KIAA1328: variants seen among roughly 807,000 people sequenced by gnomAD.
The protein encoded by KIAA1328 is KIAA1328, also known as protein hinderin.
In KIAA1328, 52 loss-of-function variants were observed where a neutral mutation model predicts 68.1. That is an observed-to-expected ratio of 0.76 (90% CI 0.61 to 0.96). The LOEUF (loss-of-function observed/expected upper bound fraction) is 0.96, where lower values mean the gene tolerates loss of function less well. Ranked by LOEUF, KIAA1328 falls within the 40% of genes least tolerant of loss-of-function variation. KIAA1328 has a pLI of 0.00. For synonymous variants in KIAA1328, 232 were observed against 239.4 expected (o/e 0.97, Z 0.28); for missense variants, 641 against 677.6 (o/e 0.95, Z 0.60).
At chr18:37,086,831 T>C (rs565464399) in intron 7 of KIAA1328, among the ~76,000 whole-genome samples, 1 of 152,340 alleles carries the variant, frequency 6.6e-6, no homozygotes, top group South Asian at 2.1e-4. Context: ...ATCACAACTA[T>C]TAGGACTTAT....
chr18:37,061,119 A>C (rs535768162), intron 6 of KIAA1328, among the ~76,000 whole-genome samples: 48 of 152,366 alleles, frequency 3.2e-4, no homozygotes, highest in African/African-American at 1.2e-3. Context: ...CGTCTCAAAA[A>C]AAAAGAGAAA....
intron 6 of KIAA1328, among the ~76,000 whole-genome samples, chr18:37,060,964 A>G (rs1317923980): frequency 6.6e-6 from 1 of 152,126 alleles, no homozygotes; most frequent in Non-Finnish European, 1.5e-5. Context: ...AAAATAGAAA[A>G]ATTAGCCGGC....
intron 5 of KIAA1328, among the ~76,000 whole-genome samples, chr18:36,887,933 G>C (rs537156382): frequency 6.6e-6 from 1 of 152,280 alleles, no homozygotes; most frequent in South Asian, 2.1e-4. Context: ...GGCACAATTA[G>C]AGTGGGCCCT....
chr18:37,179,339 T>C (rs933767922), intron 9 of KIAA1328, among the ~76,000 whole-genome samples: 6 of 152,244 alleles, frequency 3.9e-5, no homozygotes, highest in East Asian at 1.9e-4. Context: ...CCTTTTTCCA[T>C]TGTATGTTCT....
intron 4 of KIAA1328, among the ~76,000 whole-genome samples, chr18:36,879,943 C>T (rs947065739): frequency 4.6e-5 from 7 of 152,136 alleles, no homozygotes; most frequent in South Asian, 2.1e-4. Flanking sequence ...AATTTCAAGC[C>T]GGTGGATCTT....
At chr18:37,064,696 C>A (rs551459738) in intron 6 of KIAA1328, among the ~76,000 whole-genome samples, 44 of 152,082 alleles carry the variant, frequency 2.9e-4, no homozygotes, top group African/African-American at 9.6e-4. Context: ...CCAAGCGGTC[C>A]TTCTAAGAAG....
At chr18:37,184,348 G>A (rs1017840981) in intron 9 of KIAA1328, among the ~76,000 whole-genome samples, 28 of 152,284 alleles carry the variant, frequency 1.8e-4, no homozygotes, top group African/African-American at 6.7e-4. Flanking sequence ...GCAGATTCCC[G>A]AGTGTGAGCA....
Position 37,224,948 on chromosome 18 carries a change from C to A in KIAA1328, c.*2721C>A. On this transcript the variant is annotated 3_prime_UTR_variant, in exon 10 of 10. Coordinates refer to ENST00000280020, the MANE Select transcript of KIAA1328 (RefSeq NM_020776.3). ...CTTGATGCAGAGAACCAAAGTGAAT[C>A]ATAGAAAAGCTTTTGCTAACAGTCC... is the stretch of plus-strand genomic sequence containing the variant. 1 of 985,444 alleles carries A rather than the reference C, an allele frequency of 1.0e-6. No homozygotes were observed. Among genetic ancestry groups the A allele is most frequent in the Non-Finnish European group, 1.2e-6 (1 of 829,942 alleles). The allele number at this position is 985,444 out of a possible 1,614,324, so 61.0% of individuals were successfully genotyped here.
chr18:36,863,027 G>A (rs940047612), intron 4 of KIAA1328, among the ~76,000 whole-genome samples: 1 of 151,946 alleles, frequency 6.6e-6, no homozygotes, highest in African/African-American at 2.4e-5. Flanking sequence ...GTTGTAACTT[G>A]AATTTTGAGA....
At chr18:36,954,886 G>A (rs2051341412) in intron 5 of KIAA1328, among the ~76,000 whole-genome samples, 1 of 151,486 alleles carries the variant, frequency 6.6e-6, no homozygotes, top group Non-Finnish European at 1.5e-5. Flanking sequence ...AGTGGAGATG[G>A]CATTTCACCA....
intron 5 of KIAA1328, among the ~76,000 whole-genome samples, chr18:36,932,693 C>CATATAAGAAG (rs1196976486): frequency 1.3e-5 from 2 of 152,166 alleles, no homozygotes; most frequent in Non-Finnish European, 2.9e-5. Context: ...TATAAGAAGT[C>CATATAAGAAG]TCCAAAACTC....
intron 6 of KIAA1328, among the ~76,000 whole-genome samples, chr18:37,056,198 G>A (rs1402423525): frequency 6.6e-6 from 1 of 152,102 alleles, no homozygotes; most frequent in Non-Finnish European, 1.5e-5. Context: ...TTTTTGGTAT[G>A]TGTTCATATA....
chr18:36,859,599 C>G (rs1470123781), intron 4 of KIAA1328, among the ~76,000 whole-genome samples: 1 of 145,376 alleles, frequency 6.9e-6, no homozygotes, highest in African/African-American at 2.5e-5. Context: ...CACTCTCACT[C>G]TCTCTTTCTC....
intron 7 of KIAA1328, among the ~76,000 whole-genome samples, chr18:37,123,400 A>T (rs2058318496): frequency 6.6e-6 from 1 of 152,146 alleles, no homozygotes; most frequent in Non-Finnish European, 1.5e-5. Context: ...GAGAAGCTTG[A>T]TTTTCTGACC....
Position 37,160,371 on chromosome 18 carries a change from A to G in KIAA1328, c.1404A>G (p.Arg468=). 6.2e-7 allele frequency: 1 copy of G among 1,612,268 alleles called. No homozygotes were observed. Among genetic ancestry groups the G allele is most frequent in the African/African-American group, 1.3e-5 (1 of 75,000 alleles). ...QWSCQKKDTC[R]PQRGTVTGVR... is the part of the protein sequence containing the mutation. Reference sequence around the variant, plus strand: ...CATGTCAAAAGAAAGATACATGTAGACCCCAAAGAGGTAAGTTTAACAACT... The same window carrying G: ...CATGTCAAAAGAAAGATACATGTAGGCCCCAAAGAGGTAAGTTTAACAACT... The change falls in exon 8 of 10, where the codon AGA becomes AGG. Residue 468 remains arginine, a synonymous_variant. Coordinates refer to ENST00000280020, the MANE Select transcript of KIAA1328 (RefSeq NM_020776.3).
chr18:36,953,004 A>G (rs886071934), intron 5 of KIAA1328, among the ~76,000 whole-genome samples: 4 of 147,796 alleles, frequency 2.7e-5, no homozygotes, highest in South Asian at 2.1e-4. Flanking sequence ...ACCAAAACCA[A>G]AAAAAAAAAA....
intron 5 of KIAA1328, among the ~76,000 whole-genome samples, chr18:36,895,545 A>G (rs2048841089): frequency 6.6e-6 from 1 of 152,224 alleles, no homozygotes; most frequent in South Asian, 2.1e-4. Context: ...TAAAAATTCT[A>G]ATAAGTTTAT....
At chr18:37,145,398 T>C (rs1330769702) in intron 7 of KIAA1328, among the ~76,000 whole-genome samples, 1 of 152,190 alleles carries the variant, frequency 6.6e-6, no homozygotes, top group Non-Finnish European at 1.5e-5. Context: ...CAGTATTCCA[T>C]GTGTACTTAT....
intron 7 of KIAA1328, among the ~76,000 whole-genome samples, chr18:37,155,101 CT>C (rs1354706055): frequency 6.6e-6 from 1 of 152,104 alleles, no homozygotes; most frequent in African/African-American, 2.4e-5. Flanking sequence ...TCAGGAAAAT[CT>C]TTTTCTTTTC....
Sources: gnomAD v4.1 joint callset for allele counts (sites outside exome capture counted in the v4.1 genomes callset) on GRCh38, gnomAD v4.1.1 for gene constraint, MANE v1.5 for transcripts, NCBI Gene and HGNC (gene_info 2026-07-23, HGNC 2026-07-21) for gene names.